Variants in CSMD1 observed in about 807,000 individuals in gnomAD.
CSMD1 encodes the protein CUB and Sushi multiple domains 1.
Under a neutral mutation model 417.5 loss-of-function variants are expected in CSMD1, and 213 were observed. The ratio of observed to expected loss-of-function variants is 0.51; its 90% CI spans 0.46 to 0.57. The LOEUF is 0.57. CSMD1 is among the 20% of genes least tolerant of loss of function. CSMD1 has a pLI of 0.00. For missense variants in CSMD1, 6,923 were observed against 4,529.7 expected, an observed-to-expected ratio of 1.53 and a Z score of -15.17; for synonymous variants, 2,862 against 1,736.8, an observed-to-expected ratio of 1.65 and a Z score of -16.11.
intron 1 of CSMD1, among the ~76,000 whole-genome samples, chr8:4,934,263 C>G (rs1807451014): frequency 6.6e-6 from 1 of 152,240 alleles, no homozygotes; most frequent in East Asian, 1.9e-4. Context: ...TAAATATTTC[C>G]CCACAGAATG....
chr8:4,068,013 G>C (rs556093768), intron 3 of CSMD1, among the ~76,000 whole-genome samples: 5 of 152,158 alleles, frequency 3.3e-5, no homozygotes, highest in African/African-American at 4.8e-5. Context: ...GAGTGGGGGC[G>C]AAGGTTGCAG....
chr8:4,930,689 G>C (rs993905027), intron 1 of CSMD1, among the ~76,000 whole-genome samples: 2 of 152,124 alleles, frequency 1.3e-5, no homozygotes, highest in Admixed American at 6.6e-5. Context: ...TCAATGTTTA[G>C]GTCGTTTATA....
intron 3 of CSMD1, among the ~76,000 whole-genome samples, chr8:4,297,117 C>A (rs114532188): frequency 6.6e-6 from 1 of 151,940 alleles, no homozygotes; most frequent in South Asian, 2.1e-4. Flanking sequence ...AGGTGTAATA[C>A]GTTTTAATCT....
At chr8:3,548,324 G>T (rs1317053111) in intron 10 of CSMD1, among the ~76,000 whole-genome samples, 1 of 151,980 alleles carries the variant, frequency 6.6e-6, no homozygotes, top group Non-Finnish European at 1.5e-5. Flanking sequence ...AGGTAATTGG[G>T]GAACAGGTGG....
At chr8:3,417,510 T>C (rs1368392781) in intron 12 of CSMD1, among the ~76,000 whole-genome samples, 2 of 152,238 alleles carry the variant, frequency 1.3e-5, no homozygotes, top group Admixed American at 6.5e-5. Context: ...ACCATCTGTA[T>C]TCTGAACTTA....
At chr8:4,460,378 A>G (rs1799740330) in intron 2 of CSMD1, among the ~76,000 whole-genome samples, 3 of 152,170 alleles carry the variant, frequency 2.0e-5, no homozygotes, top group Admixed American at 6.5e-5. Flanking sequence ...CTATATTTAA[A>G]AAGAAAAAAT....
In CSMD1 at chr8:3,203,933, C is replaced by T. The variant is rs554537543; in HGVS notation, c.4984+1571G>A. ...CCGTAGTGTCTGGATTGCACATCTG[C>T]CTCACCCCTCACCATAAGCCTGCCA... On this transcript the variant is annotated intron_variant, in intron 31 of 69. Coordinates refer to ENST00000635120, the MANE Select transcript of CSMD1 (RefSeq NM_033225.6). Among the ~76,000 whole-genome samples, 9 of 152,326 alleles carry T rather than the reference C, an allele frequency of 5.9e-5. No homozygotes were observed. The South Asian group carries it at 1.0e-3, about 18-fold the overall frequency.
At chr8:3,457,453 A>G (rs1402718233) in intron 12 of CSMD1, among the ~76,000 whole-genome samples, 2 of 152,302 alleles carry the variant, frequency 1.3e-5, no homozygotes, top group East Asian at 3.9e-4. Flanking sequence ...GGAGCTCCAC[A>G]TGCTCACATG....
intron 8 of CSMD1, among the ~76,000 whole-genome samples, chr8:3,598,747 C>G (rs914639397): frequency 1.3e-5 from 2 of 152,040 alleles, no homozygotes; most frequent in African/African-American, 2.4e-5. Context: ...TGTAATTTCC[C>G]CCCGCCCCTT....
intron 3 of CSMD1, among the ~76,000 whole-genome samples, chr8:4,377,683 T>G (rs978557157): frequency 6.6e-6 from 1 of 152,228 alleles, no homozygotes; most frequent in Admixed American, 6.5e-5. Context: ...TCTATTAAGC[T>G]TTTAAAAATT....
intron 3 of CSMD1, among the ~76,000 whole-genome samples, chr8:4,177,837 G>A (rs1331749406): frequency 6.6e-6 from 1 of 151,356 alleles, no homozygotes. Context: ...TATAAGAAAT[G>A]GATAAATTCC....
In CSMD1 at chr8:4,361,937, C is replaced by A. The variant is rs1025791470; in HGVS notation, c.415+58016G>T. ...TCCACTGCACGCCAAGGCCCTCCAG[C>A]CTGGGCAACACAGCAAGACTCCATC... is the stretch of plus-strand genomic sequence containing the variant. On this transcript the variant is annotated intron_variant, in intron 3 of 69. Coordinates refer to ENST00000635120, the MANE Select transcript of CSMD1 (RefSeq NM_033225.6). Among the ~76,000 whole-genome samples, 4 of 151,936 alleles carry A rather than the reference C, an allele frequency of 2.6e-5. 1 individual carries two copies. Among genetic ancestry groups the A allele is most frequent in the African/African-American group, 9.7e-5 (4 of 41,368 alleles).
At chr8:3,359,972 A>G (rs186253217) in intron 20 of CSMD1, among the ~76,000 whole-genome samples, 104 of 152,312 alleles carry the variant, frequency 6.8e-4, no homozygotes, top group African/African-American at 2.4e-3. Context: ...AATTTTACTG[A>G]TATTTCTAAT....
At position 3,005,907 on chromosome 8, in the gene CSMD1, G is replaced by A. The variant is rs573582435; in HGVS notation, c.8030-5776C>T. Among the ~76,000 whole-genome samples, 26 of 152,110 alleles carry A rather than the reference G, an allele frequency of 1.7e-4. No individual in the cohort carries two copies. The South Asian group carries it at 4.0e-3, about 23-fold the overall frequency. On this transcript the variant is annotated intron_variant, in intron 52 of 69. Coordinates refer to ENST00000635120, the MANE Select transcript of CSMD1 (RefSeq NM_033225.6). ...CACCACTCCTATTCAACATAGTGTC[G>A]GAAGTTCTGGCCAGGGCAATTAGGC...
intron 26 of CSMD1, among the ~76,000 whole-genome samples, chr8:3,252,159 T>A (rs141444928): frequency 7.2e-4 from 110 of 152,318 alleles, no homozygotes; most frequent in African/African-American, 2.5e-3. Context: ...AGGGAATGCT[T>A]CCAGTTTTTG....
At chr8:3,497,109 G>A (rs1466385549) in intron 10 of CSMD1, among the ~76,000 whole-genome samples, 2 of 152,202 alleles carry the variant, frequency 1.3e-5, no homozygotes, top group African/African-American at 2.4e-5. Context: ...TGAGAAAAAT[G>A]TGTATTATGC....
At chr8:3,998,995 T>C (rs1291939579) in intron 4 of CSMD1, among the ~76,000 whole-genome samples, 2 of 148,938 alleles carry the variant, frequency 1.3e-5, no homozygotes, top group Non-Finnish European at 3.0e-5. Context: ...TATATGATAG[T>C]TTATATATAA....
chr8:4,469,152 C>G (rs1254604769), intron 2 of CSMD1, among the ~76,000 whole-genome samples: 1 of 152,122 alleles, frequency 6.6e-6, no homozygotes, highest in Non-Finnish European at 1.5e-5. Context: ...GAAGAAGGCA[C>G]TACTTACTTA....
chr8:4,705,891 G>A (rs926897237), intron 1 of CSMD1, among the ~76,000 whole-genome samples: 1 of 151,758 alleles, frequency 6.6e-6, no homozygotes, highest in African/African-American at 2.4e-5. Context: ...TTTGACTATT[G>A]GAAAAATAGT....
Sources: allele counts gnomAD v4.1 joint callset (sites outside exome capture counted in the v4.1 genomes callset), GRCh38; gene constraint gnomAD v4.1.1; transcripts MANE v1.5; gene names NCBI Gene and HGNC (gene_info 2026-07-23, HGNC 2026-07-21).